RUNX1T1: variants seen among roughly 807,000 people sequenced by gnomAD.
RUNX1T1 encodes RUNX1 partner transcriptional co-repressor 1.
Under a neutral mutation model 62.8 loss-of-function variants are expected in RUNX1T1, and 4 were observed. The ratio of observed to expected loss-of-function variants is 0.06; its 90% CI spans 0.03 to 0.15. The LOEUF (loss-of-function observed/expected upper bound fraction) is 0.15. RUNX1T1 is among the 10% of genes least tolerant of loss of function. RUNX1T1 has a pLI of 1.00. For missense variants in RUNX1T1, 508 were observed against 754.3 expected, an observed-to-expected ratio of 0.67 and a Z score of 3.82; for synonymous variants, 291 against 286.0, an observed-to-expected ratio of 1.02 and a Z score of -0.18.
At chr8:92,092,235 G>C (rs1837139141) in intron 1 of RUNX1T1, among the ~76,000 whole-genome samples, 1 of 152,052 alleles carries the variant, frequency 6.6e-6, no homozygotes, top group South Asian at 2.1e-4. Flanking sequence ...TTTTTATTAT[G>C]ATTATTTAAG....
chr8:92,072,983 T>C (rs555258904), intron 2 of RUNX1T1, among the ~76,000 whole-genome samples: 1 of 152,308 alleles, frequency 6.6e-6, no homozygotes, highest in Admixed American at 6.5e-5. Context: ...TCCCATTCCA[T>C]GATATGCATG....
At chr8:92,060,203 TATA>T (rs1050702490) in intron 1 of RUNX1T1, among the ~76,000 whole-genome samples, 7 of 152,250 alleles carry the variant, frequency 4.6e-5, no homozygotes, top group African/African-American at 1.4e-4. Flanking sequence ...GATATTTCTT[TATA>T]ATGAGTTAAA....
intron 1 of RUNX1T1, among the ~76,000 whole-genome samples, chr8:92,059,216 G>A (rs1403147399): frequency 6.6e-6 from 1 of 152,114 alleles, no homozygotes; most frequent in Non-Finnish European, 1.5e-5. Context: ...ACAGCAAAGA[G>A]CCTAATATAA....
At chr8:92,049,859 G>C (rs1016393882) in intron 1 of RUNX1T1, among the ~76,000 whole-genome samples, 4 of 152,106 alleles carry the variant, frequency 2.6e-5, no homozygotes, top group Admixed American at 2.6e-4. Flanking sequence ...GACTGTTCTT[G>C]CTATTAAGTG....
chr8:92,067,675 AC>A (rs1378534514), upstream of RUNX1T1, among the ~76,000 whole-genome samples: 2 of 152,230 alleles, frequency 1.3e-5, no homozygotes, highest in African/African-American at 4.8e-5. Flanking sequence ...GTCCTCTTAT[AC>A]ATGAATAAAA....
chr8:91,993,174 C>T (rs866039793), intron 5 of RUNX1T1, among the ~76,000 whole-genome samples: 3 of 152,164 alleles, frequency 2.0e-5, no homozygotes, highest in African/African-American at 7.2e-5. Flanking sequence ...AGAGGCACTT[C>T]TTCTACTTTC....
chr8:92,025,408 T>G (rs1465239692), intron 1 of RUNX1T1, among the ~76,000 whole-genome samples: 2 of 152,190 alleles, frequency 1.3e-5, no homozygotes, highest in Non-Finnish European at 2.9e-5. Context: ...ACCTCCATAC[T>G]AGACAGCTGC....
At chr8:92,095,188 A>G in intron 1 of RUNX1T1, 1 of 1,535,148 alleles carries the variant, frequency 6.5e-7, no homozygotes, top group Non-Finnish European at 8.7e-7. Flanking sequence ...GGAGCGACAG[A>G]TAACATGTTA....
Position 92,024,497 on chromosome 8 carries a change from CAAAAAAAAAAAA to C in RUNX1T1, c.8-7146_8-7135del, listed in dbSNP as rs34547904. Reference sequence around the variant, plus strand: ...GGGGTAACAGAGTGAAACCCCAACTCAAAAAAAAAAAAAAAAAAAAAAAAAAGCAACCCTGGC... The same window carrying C: ...GGGGTAACAGAGTGAAACCCCAACTCAAAAAAAAAAAAAAGCAACCCTGGC... On this transcript the variant is annotated intron_variant, in intron 1 of 10. Coordinates refer to ENST00000396218, the Ensembl canonical transcript of RUNX1T1. Among the ~76,000 whole-genome samples, 21 of 17,546 alleles carry C rather than the reference CAAAAAAAAAAAA, an allele frequency of 1.2e-3. No individual in the cohort carries two copies. The East Asian group carries it at 0.013, about 11-fold the overall frequency. The allele number at this position is 17,546 out of a possible 152,430, so 11.5% of individuals were successfully genotyped here.
chr8:92,102,903 T>A, upstream of RUNX1T1: 1 of 1,516,496 alleles, frequency 6.6e-7, no homozygotes. This position sits in a 1 kb window ranked among gnomAD's most constrained non-coding sequence, Gnocchi z 4.5. Context: ...GGCTCCGAGC[T>A]GCAAATAAAA....
intron 9 of RUNX1T1, chr8:91,971,229 T>A (rs2130628157): frequency 6.2e-6 from 1 of 160,286 alleles, no homozygotes; most frequent in Non-Finnish European, 1.4e-5. Flanking sequence ...TTATTATAAT[T>A]TTTTTAACCA....
intron 10 of RUNX1T1, among the ~76,000 whole-genome samples, chr8:91,965,937 C>T (rs1325522227): frequency 6.6e-6 from 1 of 151,950 alleles, no homozygotes; most frequent in Non-Finnish European, 1.5e-5. Flanking sequence ...CTCCTCATCT[C>T]ATTGGCACCT....
intron 8 of RUNX1T1, among the ~76,000 whole-genome samples, chr8:91,985,602 T>G (rs1468516555): frequency 6.6e-6 from 1 of 152,144 alleles, no homozygotes; most frequent in Non-Finnish European, 1.5e-5. Flanking sequence ...TAGGTCTCTC[T>G]TCCTGGAGGC....
chr8:92,044,190 T>C (rs1259524245), intron 1 of RUNX1T1, among the ~76,000 whole-genome samples: 1 of 152,006 alleles, frequency 6.6e-6, no homozygotes, highest in Non-Finnish European at 1.5e-5. Context: ...CCTTGATAAG[T>C]AGCTAAAATG....
At chr8:91,955,890 AAT>A (rs1262850993), downstream of RUNX1T1, 7 of 228,990 alleles carry the variant, frequency 3.1e-5, no homozygotes, top group East Asian at 3.7e-4. Context: ...AGAATGAAAA[AAT>A]ATGTGTCAGA....
intron 8 of RUNX1T1, among the ~76,000 whole-genome samples, chr8:91,980,497 G>A (rs1050798589): frequency 1.3e-5 from 2 of 152,176 alleles, no homozygotes; most frequent in African/African-American, 4.8e-5. Flanking sequence ...TTTAAGACAG[G>A]AATCTTTTCT....
downstream of RUNX1T1, chr8:91,958,646 A>G (rs568685567): frequency 6.7e-5 from 12 of 179,008 alleles, no homozygotes; most frequent in African/African-American, 2.8e-4. Flanking sequence ...TTTAAAAAAA[A>G]AAAAAAGAAA....
intron 1 of RUNX1T1, among the ~76,000 whole-genome samples, chr8:92,061,582 C>T (rs1042915114): frequency 1.3e-5 from 2 of 152,246 alleles, no homozygotes; most frequent in East Asian, 1.9e-4. Flanking sequence ...CGAGACACAT[C>T]CTAAAGGGAA....
chr8:91,975,827 G>T, intron 9 of RUNX1T1, 78 bp downstream of exon 10: 1 of 929,586 alleles, frequency 1.1e-6, no homozygotes, highest in Non-Finnish European at 1.7e-6. Flanking sequence ...GTCCTTTCTT[G>T]TCATTCCTCA....
Sources: gnomAD v4.1 joint callset for allele counts (sites outside exome capture counted in the v4.1 genomes callset) on GRCh38, gnomAD v4.1.1 for gene constraint, Gnocchi (gnomAD v3.1) non-coding constraint, MANE v1.5 for transcripts, NCBI Gene and HGNC (gene_info 2026-07-23, HGNC 2026-07-21) for gene names.